Variants in OXR1 observed in about 807,000 individuals in gnomAD.
OXR1 encodes the protein oxidation resistance 1, also known as oxidation resistance protein 1.
A neutral mutation model predicts 104.6 loss-of-function variants in OXR1; 41 were observed. That is an observed-to-expected ratio of 0.39 (90% CI 0.31 to 0.51). The LOEUF is 0.51. Among genes scored for constraint, OXR1 ranks in the 20% least tolerant of loss-of-function variants. The probability of loss-of-function intolerance (pLI) is 0.77; values close to 1 mark genes in which losing one functional copy is unlikely to be tolerated. For synonymous variants in OXR1, 348 were observed against 348.4 expected (o/e 1.00, Z 0.01); for missense variants, 955 against 1,031.9 (o/e 0.93, Z 1.02).
intron 2 of OXR1, among the ~76,000 whole-genome samples, chr8:106,428,061 T>A (rs1819204462): frequency 6.6e-6 from 1 of 152,210 alleles, no homozygotes; most frequent in Non-Finnish European, 1.5e-5. Flanking sequence ...TGTGGGTGGC[T>A]GGTGGCTACC....
At chr8:106,345,964 T>C (rs1815459350) in intron 1 of OXR1, among the ~76,000 whole-genome samples, 1 of 152,080 alleles carries the variant, frequency 6.6e-6, no homozygotes, top group South Asian at 2.1e-4. Context: ...GATCATTCGG[T>C]AAAAAGTTGA....
intron 2 of OXR1, among the ~76,000 whole-genome samples, chr8:106,459,933 A>T (rs2130644501): frequency 6.6e-6 from 1 of 152,328 alleles, no homozygotes; most frequent in South Asian, 2.1e-4. Context: ...AAGATGGAGC[A>T]TCCATACGTT....
intron 2 of OXR1, among the ~76,000 whole-genome samples, chr8:106,408,849 C>G (rs1818348164): frequency 6.6e-6 from 1 of 152,106 alleles, no homozygotes; most frequent in South Asian, 2.1e-4. Context: ...GAGCTGCTTG[C>G]TTTTATTCAG....
chr8:106,595,034 C>A (rs1284884159), intron 3 of OXR1, among the ~76,000 whole-genome samples: 1 of 152,188 alleles, frequency 6.6e-6, no homozygotes, highest in East Asian at 1.9e-4. Context: ...ACTTTCTATT[C>A]TTTAAATGTT....
chr8:106,661,392 A>G (rs1195985888), intron 3 of OXR1, among the ~76,000 whole-genome samples: 1 of 152,210 alleles, frequency 6.6e-6, no homozygotes, highest in East Asian at 1.9e-4. Flanking sequence ...TATTAAGGAC[A>G]TTATCACACC....
At chr8:106,414,515 C>A (rs536466842) in intron 2 of OXR1, among the ~76,000 whole-genome samples, 2 of 152,270 alleles carry the variant, frequency 1.3e-5, no homozygotes, top group South Asian at 4.1e-4. Context: ...TCAAATCTAT[C>A]TCTCCAGAAG....
chr8:106,388,019 C>T (rs866651053), intron 2 of OXR1, among the ~76,000 whole-genome samples: 1 of 152,126 alleles, frequency 6.6e-6, no homozygotes, highest in African/African-American at 2.4e-5. Context: ...ATATGCTTTC[C>T]AGGGGTAAAT....
intron 2 of OXR1, among the ~76,000 whole-genome samples, chr8:106,503,215 C>T (rs1811924676): frequency 6.6e-6 from 1 of 152,102 alleles, no homozygotes; most frequent in African/African-American, 2.4e-5. Flanking sequence ...GCAGTTTCAA[C>T]CCTTCCTTAG....
At chr8:106,720,218 C>G (rs748359333) in intron 11 of OXR1, among the ~76,000 whole-genome samples, 1 of 152,196 alleles carries the variant, frequency 6.6e-6, no homozygotes, top group Non-Finnish European at 1.5e-5. Flanking sequence ...TTTGGCGGAA[C>G]CTTTGCATCA....
At chr8:106,335,192 T>G (rs1202550768) in intron 1 of OXR1, among the ~76,000 whole-genome samples, 1 of 152,164 alleles carries the variant, frequency 6.6e-6, no homozygotes, top group Non-Finnish European at 1.5e-5. Context: ...GCCTCAAATT[T>G]TCAAACTCTC....
chr8:106,505,705 C>T (rs1345772749), intron 2 of OXR1, among the ~76,000 whole-genome samples: 2 of 152,120 alleles, frequency 1.3e-5, no homozygotes, highest in African/African-American at 4.8e-5. Flanking sequence ...TATGCAAAGG[C>T]CCTCTGGACA....
At position 106,752,124 on chromosome 8, in the gene OXR1, T is replaced by G. The variant is rs933149738; in HGVS notation, c.*1183T>G. ...CAGTTGATTTTAAAGCTTCATGTTA[T>G]GCAAAAAAGAATCCTGCTGTTATAC... On this transcript the variant is annotated 3_prime_UTR_variant, in exon 17 of 17. Transcript: ENST00000517566. The G allele has an allele frequency of 6.6e-6, 1 of 152,534 alleles. No individual in the cohort carries two copies. Among genetic ancestry groups the G allele is most frequent in the Non-Finnish European group, 1.5e-5 (1 of 67,946 alleles). 9.4% of individuals were successfully genotyped at this position (152,534 alleles called of 1,614,324 possible).
intron 9 of OXR1, 41 bp from the exon 10 acceptor site, chr8:106,710,581 G>C: frequency 7.4e-7 from 1 of 1,348,444 alleles, no homozygotes; most frequent in Non-Finnish European, 9.9e-7. Context: ...TAAACTTGGT[G>C]TGTGAGAATT....
chr8:106,521,273 A>G (rs1289904361), intron 3 of OXR1, among the ~76,000 whole-genome samples: 3 of 152,210 alleles, frequency 2.0e-5, no homozygotes, highest in African/African-American at 4.8e-5. Flanking sequence ...TGATAATTTC[A>G]TATGCCAGGG....
At chr8:106,642,895 TTAAC>T (rs1352536950) in intron 3 of OXR1, among the ~76,000 whole-genome samples, 1 of 152,210 alleles carries the variant, frequency 6.6e-6, no homozygotes, top group Non-Finnish European at 1.5e-5. Flanking sequence ...AGAAAGATGT[TTAAC>T]TAATATGTGG....
chr8:106,484,851 A>G (rs1461608523), intron 2 of OXR1, among the ~76,000 whole-genome samples: 1 of 152,082 alleles, frequency 6.6e-6, no homozygotes, highest in African/African-American at 2.4e-5. Context: ...ATTTATCCAA[A>G]TGAATTCTCA....
chr8:106,270,333 G>GCCGCTCA lies in OXR1; in HGVS notation c.-168_-162dup, dbSNP rs1472990221. The GCCGCTCA allele has an allele frequency of 1.3e-5, 2 of 152,534 alleles. No homozygotes were observed. Among genetic ancestry groups the GCCGCTCA allele is most frequent in the East Asian group, 3.8e-4 (2 of 5,204 alleles). 9.4% of individuals were successfully genotyped at this position (152,534 alleles called of 1,614,324 possible). A position where few individuals can be genotyped will look rare whatever the true frequency, so the allele number is the denominator to read the frequency against. ...CGCACTCGCCGCCGCGGGGCCCGCCGCCGCTCACCGCAGCCCCCTCCTGGC... is the reference window on the plus strand; with the variant it reads ...CGCACTCGCCGCCGCGGGGCCCGCCGCCGCTCACCGCTCACCGCAGCCCCCTCCTGGC... On this transcript the variant is annotated 5_prime_UTR_variant, in exon 1 of 17. Coordinates refer to ENST00000517566, the MANE Select transcript of OXR1 (RefSeq NM_001198533.2).
At chr8:106,529,380 G>GA (rs1362829393) in intron 3 of OXR1, among the ~76,000 whole-genome samples, 1 of 152,094 alleles carries the variant, frequency 6.6e-6, no homozygotes, top group African/African-American at 2.4e-5. Flanking sequence ...CCCACAAGCT[G>GA]AAACTACTTT....
rs138428475 is a variant in OXR1 at position 106,389,499 on chromosome 8, C to T, written c.23+29863C>T. 9.1e-4 allele frequency among the ~76,000 whole-genome samples: 139 copies of T among 152,266 alleles called. 1 individual carries two copies. Among genetic ancestry groups the T allele is most frequent in the African/African-American group, 3.2e-3 (133 of 41,562 alleles). On this transcript the variant is annotated intron_variant, in intron 2 of 16. Transcript: ENST00000517566. The stretch of plus-strand genomic sequence containing the variant: ...TCTATAGAGCCTAAATTAGTTTATA[C>T]TTAACACTTTAAAATCCTTTTTCAG...
Sources: allele counts gnomAD v4.1 joint callset (sites outside exome capture counted in the v4.1 genomes callset), GRCh38; gene constraint gnomAD v4.1.1; transcripts MANE v1.5; gene names NCBI Gene and HGNC (gene_info 2026-07-23, HGNC 2026-07-21).